Variants in GRIA1 observed in about 807,000 individuals in gnomAD.
GRIA1 encodes the protein glutamate receptor 1.
A neutral mutation model predicts 99.2 loss-of-function variants in GRIA1; 31 were observed. The ratio of observed to expected loss-of-function variants is 0.31; its 90% CI spans 0.23 to 0.42. The LOEUF (loss-of-function observed/expected upper bound fraction) is 0.42. Ranked by LOEUF, GRIA1 falls within the 10% of genes least tolerant of loss-of-function variation. The pLI is 1.00. For synonymous variants in GRIA1, 438 were observed against 432.4 expected (o/e 1.01, Z -0.16); for missense variants, 782 against 1,157.5 (o/e 0.68, Z 4.71).
In GRIA1 at chr5:153,490,780, G is replaced by T; in HGVS notation, c.-109G>T. ...GAAGCAAGCAAGCAAGGAAGGAACT[G>T]CAGGAGGAAAAGAACAGGCAGAACA... On this transcript the variant is annotated 5_prime_UTR_variant, in exon 1 of 16. Coordinates refer to ENST00000285900, the MANE Select transcript of GRIA1 (RefSeq NM_000827.4). 3 of 842,988 alleles carry T rather than the reference G, an allele frequency of 3.6e-6. No individual in the cohort carries two copies. Among genetic ancestry groups the T allele is most frequent in the Non-Finnish European group, 6.2e-6 (3 of 482,546 alleles). 52.2% of individuals were successfully genotyped at this position (842,988 alleles called of 1,614,324 possible). A position where few individuals can be genotyped will look rare whatever the true frequency, so the allele number is the denominator to read the frequency against.
At chr5:153,731,883 CT>C (rs1018083498) in intron 11 of GRIA1, among the ~76,000 whole-genome samples, 1 of 152,076 alleles carries the variant, frequency 6.6e-6, no homozygotes, top group Admixed American at 6.6e-5. Context: ...AGTTAATACT[CT>C]TTGACCAACA....
At chr5:153,809,910 T>G (rs542324660) in intron 15 of GRIA1, among the ~76,000 whole-genome samples, 12 of 152,160 alleles carry the variant, frequency 7.9e-5, no homozygotes, top group South Asian at 2.1e-4. Flanking sequence ...AGAGGTAGGG[T>G]TGGTCCCATT....
chr5:153,665,120 C>A (rs1755651421), intron 5 of GRIA1, among the ~76,000 whole-genome samples: 1 of 152,214 alleles, frequency 6.6e-6, no homozygotes, highest in Non-Finnish European at 1.5e-5. Flanking sequence ...GGAAGACCAA[C>A]TATTCCCAGG....
intron 11 of GRIA1, among the ~76,000 whole-genome samples, chr5:153,757,705 G>C (rs938660180): frequency 2.6e-4 from 39 of 152,258 alleles, no homozygotes; most frequent in African/African-American, 9.1e-4. Context: ...ACCCAGAAAA[G>C]CTATTTGTCA....
intron 12 of GRIA1, among the ~76,000 whole-genome samples, chr5:153,767,593 G>T (rs2149612906): frequency 6.6e-6 from 1 of 152,206 alleles, no homozygotes; most frequent in Non-Finnish European, 1.5e-5. Flanking sequence ...GGAGTTTGGT[G>T]GGTGGGGAGA....
intron 2 of GRIA1, among the ~76,000 whole-genome samples, chr5:153,612,498 T>C (rs1340616530): frequency 6.6e-6 from 1 of 152,260 alleles, no homozygotes; most frequent in African/African-American, 2.4e-5. Flanking sequence ...AGAATCTATC[T>C]TGCAATGCAT....
intron 5 of GRIA1, among the ~76,000 whole-genome samples, chr5:153,665,299 A>T (rs1201224925): frequency 6.6e-6 from 1 of 152,208 alleles, no homozygotes; most frequent in Non-Finnish European, 1.5e-5. Flanking sequence ...TACTTGTATG[A>T]GGTATGTCTG....
At chr5:153,810,469 A>G (rs1012984435) in intron 15 of GRIA1, among the ~76,000 whole-genome samples, 3 of 152,250 alleles carry the variant, frequency 2.0e-5, no homozygotes, top group Non-Finnish European at 2.9e-5. Context: ...ACAATATCAC[A>G]TCCTCAATTT....
chr5:153,524,112 G>A (rs1757396123), intron 2 of GRIA1, among the ~76,000 whole-genome samples: 1 of 152,172 alleles, frequency 6.6e-6, no homozygotes, highest in South Asian at 2.1e-4. Flanking sequence ...CAGATCACAA[G>A]GTCAAGACAT....
At chr5:153,672,219 A>G (rs1250327939) in intron 5 of GRIA1, among the ~76,000 whole-genome samples, 1 of 152,182 alleles carries the variant, frequency 6.6e-6, no homozygotes, top group Non-Finnish European at 1.5e-5. Flanking sequence ...TGGGGCACTT[A>G]TCTACTGACT....
chr5:153,797,028 T>A (rs979020263), intron 14 of GRIA1, among the ~76,000 whole-genome samples: 3 of 152,090 alleles, frequency 2.0e-5, no homozygotes, highest in Non-Finnish European at 4.4e-5. Flanking sequence ...GCTTGCTCCT[T>A]CCCCTTCCCA....
chr5:153,601,095 C>T (rs538449641), intron 2 of GRIA1, among the ~76,000 whole-genome samples: 1 of 152,182 alleles, frequency 6.6e-6, no homozygotes, highest in Non-Finnish European at 1.5e-5. Context: ...GCTGGATGAA[C>T]AGAATGATGA....
In GRIA1 at chr5:153,573,475, C is replaced by A. The variant is rs77179150; in HGVS notation, c.221-73453C>A. Among the ~76,000 whole-genome samples the A allele has an allele frequency of 1.7e-3, 262 of 152,226 alleles. 2 individuals carry two copies. Among genetic ancestry groups the A allele is most frequent in the African/African-American group, 5.8e-3 (240 of 41,534 alleles). ...GTCAGCATCTGATACATGTTGGCTG[C>A]AATCATTATTAGTAACAGTATTATC... On this transcript the variant is annotated intron_variant, in intron 2 of 15. Transcript: ENST00000285900.
At chr5:153,697,993 G>A (rs1338570647) in intron 8 of GRIA1, 51 bp from the exon 9 acceptor site, 1 of 997,350 alleles carries the variant, frequency 1.0e-6, no homozygotes, top group Non-Finnish European at 1.6e-6. Context: ...GAGCAGGCCA[G>A]TTCAGAGGAG....
chr5:153,696,076 G>A (rs66550745), intron 8 of GRIA1, among the ~76,000 whole-genome samples: 14,321 of 152,210 alleles, frequency 0.094, 827 homozygotes, highest in Non-Finnish European at 0.12. Context: ...AAGGTACTCA[G>A]GGTTGTGTCT....
At chr5:153,735,311 A>G (rs1378398638) in intron 11 of GRIA1, among the ~76,000 whole-genome samples, 1 of 152,194 alleles carries the variant, frequency 6.6e-6, no homozygotes, top group Non-Finnish European at 1.5e-5. Context: ...TCAAGAGCCA[A>G]GCTCCCCAAG....
At chr5:153,539,303 G>A (rs1387260509) in intron 2 of GRIA1, among the ~76,000 whole-genome samples, 1 of 152,164 alleles carries the variant, frequency 6.6e-6, no homozygotes, top group East Asian at 1.9e-4. Flanking sequence ...ATATGCCATT[G>A]CATTCATAGC....
chr5:153,504,109 C>G (rs1755261403), intron 2 of GRIA1, among the ~76,000 whole-genome samples: 2 of 152,038 alleles, frequency 1.3e-5, no homozygotes, highest in Admixed American at 1.3e-4. Context: ...GAATATGACA[C>G]AGTGGCCAGG....
At chr5:153,586,014 G>A (rs1198086272) in intron 2 of GRIA1, among the ~76,000 whole-genome samples, 1 of 152,112 alleles carries the variant, frequency 6.6e-6, no homozygotes, top group Non-Finnish European at 1.5e-5. Flanking sequence ...TTTTCATGAT[G>A]TAAAGACCTT....
Sources: gnomAD v4.1 joint callset for allele counts (sites outside exome capture counted in the v4.1 genomes callset) on GRCh38, gnomAD v4.1.1 for gene constraint, MANE v1.5 for transcripts, NCBI Gene and HGNC (gene_info 2026-07-23, HGNC 2026-07-21) for gene names.